TAF1: variants seen among roughly 807,000 people sequenced by gnomAD.
TAF1 encodes the protein transcription initiation factor TFIID subunit 1.
TAF1 carries 2 observed loss-of-function variants against 138.5 expected under a neutral mutation model. That is an observed-to-expected ratio of 0.01 (90% CI 0.01 to 0.05). The LOEUF (loss-of-function observed/expected upper bound fraction) is 0.05. Ranked by LOEUF, TAF1 falls within the 10% of genes least tolerant of loss-of-function variation. The pLI is 1.00. For synonymous variants in TAF1, 437 were observed against 503.2 expected (o/e 0.87, Z 1.76); for missense variants, 709 against 1,478.0 (o/e 0.48, Z 8.53).
rs775154794 is a variant in TAF1, at chrX:71,451,853, T to C, written c.4754-2317T>C. ...GAATTTTTCTTAGTACAGAACAAAA[T>C]GAAAAGTCTCCCATGTCTACTTCTT... On this transcript the variant is annotated intron_variant, in intron 32 of 37. Coordinates refer to ENST00000423759, the MANE Select transcript of TAF1 (RefSeq NM_004606.5). Among the ~76,000 whole-genome samples the C allele has an allele frequency of 3.2e-3, 355 of 112,093 alleles. 2 individuals carry two copies. The highest frequency in any genetic ancestry group is 0.011 in the African/African-American group (349 of 30,914).
intron 13 of TAF1, among the ~76,000 whole-genome samples, chrX:71,509,320 G>A (rs1444238558): frequency 9.0e-6 from 1 of 111,604 alleles, no homozygotes; most frequent in Non-Finnish European, 1.9e-5. Flanking sequence ...TCTTAGCCAG[G>A]CAGGGAAGTG....
intron 13 of TAF1, among the ~76,000 whole-genome samples, chrX:71,506,021 GTAA>G (rs1258152652): frequency 2.1e-5 from 2 of 95,962 alleles, no homozygotes; most frequent in Admixed American, 1.1e-4. Flanking sequence ...CTCTGCCTCA[GTAA>G]TAATAATAAT....
chrX:71,529,153 C>T (rs886623734), intron 14 of TAF1, among the ~76,000 whole-genome samples: 1 of 109,362 alleles, frequency 9.1e-6, no homozygotes, highest in African/African-American at 3.3e-5. Flanking sequence ...CTCACTGCAA[C>T]CTCCGCCTCC....
At position 71,400,614 on chromosome X, in the gene TAF1, C is replaced by A. The variant is rs766720593; in HGVS notation, c.3787-914C>A. On this transcript the variant is annotated intron_variant, in intron 24 of 37. Coordinates refer to ENST00000423759, the MANE Select transcript of TAF1 (RefSeq NM_004606.5). ...GTGGAAAGAGCCATGAGCTTGGAAACGGAAGATCTGAATTCAGGTTCTGTT... is the reference window on the plus strand; with the variant it reads ...GTGGAAAGAGCCATGAGCTTGGAAAAGGAAGATCTGAATTCAGGTTCTGTT... Among the ~76,000 whole-genome samples the A allele has an allele frequency of 3.6e-5, 4 of 111,743 alleles. 1 individual carries two copies. In the South Asian group the frequency reaches 1.5e-3, roughly 41 times the overall value.
At chrX:71,368,218 T>C in intron 3 of TAF1, 48 bp downstream of exon 3, 1 of 1,149,671 alleles carries the variant, frequency 8.7e-7, no homozygotes, top group Non-Finnish European at 1.2e-6. Context: ...ATTATCCTGC[T>C]GTATAGTCCA....
intron 23 of TAF1, among the ~76,000 whole-genome samples, chrX:71,398,252 C>T (rs963799875): frequency 3.6e-5 from 4 of 109,984 alleles, no homozygotes; most frequent in South Asian, 3.9e-4. Context: ...GCAGGAGAAT[C>T]GCTTGAACCT....
rs2038671684 is a variant in TAF1 at position 71,464,277 on chromosome X, C to T, written c.*231C>T. Reference sequence around the variant, plus strand: ...CAAAGCAACCCCCTTTCCCCTACCACTACGGAAAAGAGCAAGCTCATTTTT... The same window carrying T: ...CAAAGCAACCCCCTTTCCCCTACCATTACGGAAAAGAGCAAGCTCATTTTT... On this transcript the variant is annotated 3_prime_UTR_variant, in exon 38 of 38. Coordinates refer to ENST00000423759, the MANE Select transcript of TAF1 (RefSeq NM_004606.5). 2 of 398,799 alleles carry T rather than the reference C, an allele frequency of 5.0e-6. No individual in the cohort carries two copies. The highest frequency in any genetic ancestry group is 8.6e-6 in the Non-Finnish European group (2 of 233,171). The allele number at this position is 398,799 out of a possible 1,213,427, so 32.9% of individuals were successfully genotyped here.
intron 32 of TAF1, among the ~76,000 whole-genome samples, chrX:71,432,640 A>G (rs1468126633): frequency 1.8e-5 from 2 of 110,207 alleles, no homozygotes; most frequent in African/African-American, 6.6e-5. Flanking sequence ...TGCTGGAAAG[A>G]TTGGGAATTG....
At chrX:71,514,711 G>A (rs1308773840) in intron 13 of TAF1, among the ~76,000 whole-genome samples, 1 of 111,545 alleles carries the variant, frequency 9.0e-6, no homozygotes, top group African/African-American at 3.3e-5. Flanking sequence ...AGATCCCCTC[G>A]TAAAAGAGTC....
At chrX:71,467,019 T>TA (rs971003123), downstream of TAF1, among the ~76,000 whole-genome samples, 11 of 79,521 alleles carry the variant, frequency 1.4e-4, no homozygotes, top group East Asian at 4.5e-4. Flanking sequence ...AGGAGACCCT[T>TA]AAAAAAAACC....
chrX:71,393,154 G>A, intron 20 of TAF1, 147 bp from the exon 21 acceptor site: 1 of 1,050,741 alleles, frequency 9.5e-7, no homozygotes, highest in Non-Finnish European at 1.3e-6. Context: ...TATGTAATCT[G>A]CTTTGGGGTG....
intron 13 of TAF1, among the ~76,000 whole-genome samples, chrX:71,510,021 G>A (rs1462984046): frequency 9.0e-6 from 1 of 110,706 alleles, no homozygotes; most frequent in Admixed American, 9.7e-5. Context: ...AATTAGCTGA[G>A]TGTGGTGGCA....
chrX:71,420,338 T>G, intron 28 of TAF1: 1 of 1,193,283 alleles, frequency 8.4e-7, no homozygotes, highest in Non-Finnish European at 1.1e-6. Context: ...ACTCTTTGTC[T>G]GAGAACTCTA....
intron 34 of TAF1, among the ~76,000 whole-genome samples, chrX:71,457,841 T>C (rs1443702265): frequency 8.9e-6 from 1 of 112,532 alleles, no homozygotes; most frequent in African/African-American, 3.2e-5. Context: ...TTCTATGCTC[T>C]TGTTGGAATT....
At chrX:71,506,539 A>T (rs773704247) in intron 13 of TAF1, among the ~76,000 whole-genome samples, 39 of 107,218 alleles carry the variant, frequency 3.6e-4, no homozygotes, top group East Asian at 5.9e-4. Context: ...ATATTTTTTT[A>T]AAAAAAGTAG....
chrX:71,388,930 C>T (rs2034401408), intron 17 of TAF1, 62 bp downstream of exon 17: 2 of 1,116,728 alleles, frequency 1.8e-6, no homozygotes, highest in Non-Finnish European at 2.4e-6. Flanking sequence ...TTTTTCTTCC[C>T]CCCAGAGAGA....
At chrX:71,400,308 C>A (rs1444233160) in intron 24 of TAF1, among the ~76,000 whole-genome samples, 2 of 110,922 alleles carry the variant, frequency 1.8e-5, no homozygotes, top group Non-Finnish European at 3.8e-5. Flanking sequence ...CCAGGCTAAT[C>A]TCAAACTCCT....
intron 37 of TAF1, 149 bp from the exon 38 acceptor site, chrX:71,463,675 C>T: frequency 1.9e-6 from 1 of 518,871 alleles, no homozygotes. Context: ...GGTCATTTTT[C>T]TCTCAGGGAC....
chrX:71,448,062 CT>C (rs2037779881), intron 32 of TAF1, among the ~76,000 whole-genome samples: 1 of 111,855 alleles, frequency 8.9e-6, no homozygotes, highest in African/African-American at 3.2e-5. Flanking sequence ...GAGTGGGTAG[CT>C]TATTCTTATA....
Sources: allele counts gnomAD v4.1 joint callset (sites outside exome capture counted in the v4.1 genomes callset), GRCh38; gene constraint gnomAD v4.1.1; transcripts MANE v1.5; gene names NCBI Gene and HGNC (gene_info 2026-07-23, HGNC 2026-07-21).